Variants in CLSTN2 observed in about 807,000 individuals in gnomAD.
The protein encoded by CLSTN2 is calsyntenin 2.
In CLSTN2, 48 loss-of-function variants were observed where a neutral mutation model predicts 101.2. The ratio of observed to expected loss-of-function variants is 0.47; its 90% CI spans 0.38 to 0.60. The LOEUF (loss-of-function observed/expected upper bound fraction) is 0.60, where lower values mean the gene tolerates loss of function less well. CLSTN2 is among the 20% of genes least tolerant of loss of function. CLSTN2 has a pLI of 0.00. For synonymous variants in CLSTN2, 481 were observed against 463.6 expected, an observed-to-expected ratio of 1.04 and a Z score of -0.48; for missense variants, 1,160 against 1,238.2, an observed-to-expected ratio of 0.94 and a Z score of 0.95.
At chr3:140,183,337 A>G (rs574741026) in intron 2 of CLSTN2, among the ~76,000 whole-genome samples, 18 of 152,250 alleles carry the variant, frequency 1.2e-4, no homozygotes, top group African/African-American at 3.9e-4. Context: ...TGTGACTTCT[A>G]GTGCCCAAAC....
chr3:140,405,660 C>G (rs1016279305), intron 4 of CLSTN2, among the ~76,000 whole-genome samples: 2 of 152,166 alleles, frequency 1.3e-5, no homozygotes, highest in African/African-American at 4.8e-5. Context: ...TCCTATAAAG[C>G]CATTTGGACA....
intron 2 of CLSTN2, among the ~76,000 whole-genome samples, chr3:140,221,981 G>T (rs1434984833): frequency 6.6e-6 from 1 of 152,040 alleles, no homozygotes; most frequent in African/African-American, 2.4e-5. Flanking sequence ...ATTCCCCAAA[G>T]AAAGGAAATC....
chr3:139,943,288 C>A (rs183241884), intron 1 of CLSTN2, among the ~76,000 whole-genome samples: 1 of 152,208 alleles, frequency 6.6e-6, no homozygotes, highest in African/African-American at 2.4e-5. Flanking sequence ...CCCATTGCTT[C>A]TGCCTTGTTT....
intron 2 of CLSTN2, among the ~76,000 whole-genome samples, chr3:140,319,164 G>A (rs981097808): frequency 2.6e-5 from 4 of 152,158 alleles, no homozygotes; most frequent in African/African-American, 4.8e-5. Context: ...GAGTGTAAGA[G>A]TAATTCTAAC....
At chr3:139,944,530 C>A (rs1935186082) in intron 1 of CLSTN2, among the ~76,000 whole-genome samples, 1 of 152,216 alleles carries the variant, frequency 6.6e-6, no homozygotes, top group South Asian at 2.1e-4. Context: ...TTTCACCCAC[C>A]AGTCCTTTAT....
Position 140,427,238 on chromosome 3 carries a change from T to TAC in CLSTN2, c.787+5965_787+5966insCA, listed in dbSNP as rs1576561560. On this transcript the variant is annotated intron_variant, in intron 5 of 16. Transcript: ENST00000458420. ...ATATATATATATGTGTGTATATATATATATATACATATATATATACATAAA... is the reference window on the plus strand; with the variant it reads ...ATATATATATATGTGTGTATATATATACATATATACATATATATATACATAAA... Among the ~76,000 whole-genome samples the TAC allele has an allele frequency of 2.5e-3, 313 of 125,412 alleles. 1 individual carries two copies. The highest frequency in any genetic ancestry group is 3.8e-3 in the Middle Eastern group (1 of 260). The allele number at this position is 125,412 out of a possible 152,430, so 82.3% of individuals were successfully genotyped here.
At chr3:140,266,393 T>C (rs1249972014) in intron 2 of CLSTN2, among the ~76,000 whole-genome samples, 1 of 152,126 alleles carries the variant, frequency 6.6e-6, no homozygotes, top group Admixed American at 6.5e-5. Flanking sequence ...ATAGTAGTGG[T>C]TGTCTTGATG....
intron 2 of CLSTN2, among the ~76,000 whole-genome samples, chr3:140,264,411 TA>T (rs2086678310): frequency 1.4e-5 from 1 of 69,386 alleles, no homozygotes; most frequent in Admixed American, 1.3e-4. Flanking sequence ...TATATATATA[TA>T]TATATATATA....
At chr3:140,343,055 T>C (rs1222401171) in intron 2 of CLSTN2, among the ~76,000 whole-genome samples, 2 of 152,094 alleles carry the variant, frequency 1.3e-5, no homozygotes, top group African/African-American at 4.8e-5. Context: ...GAAGAGCACA[T>C]AGGCAGGGTA....
intron 1 of CLSTN2, among the ~76,000 whole-genome samples, chr3:140,028,082 G>A (rs2007459047): frequency 6.6e-6 from 1 of 152,224 alleles, no homozygotes; most frequent in African/African-American, 2.4e-5. Context: ...GGAAAAGGTA[G>A]TTGCTGTTGT....
chr3:140,452,243 A>G (rs1302117075), intron 6 of CLSTN2, among the ~76,000 whole-genome samples: 1 of 152,000 alleles, frequency 6.6e-6, no homozygotes, highest in Non-Finnish European at 1.5e-5. Context: ...CTGATCCATT[A>G]CTACAGCACA....
intron 2 of CLSTN2, among the ~76,000 whole-genome samples, chr3:140,287,895 G>A (rs56803358): frequency 1.3e-5 from 2 of 152,146 alleles, no homozygotes; most frequent in Admixed American, 1.3e-4. Flanking sequence ...GCATGCCCCA[G>A]TGCTCAGGAG....
chr3:139,961,107 G>A (rs1189633042), intron 1 of CLSTN2, among the ~76,000 whole-genome samples: 4 of 152,206 alleles, frequency 2.6e-5, no homozygotes, highest in African/African-American at 9.6e-5. Context: ...TGACTCCAGA[G>A]TACCAGTACT....
chr3:139,949,970 T>C (rs1377781609), intron 1 of CLSTN2, among the ~76,000 whole-genome samples: 1 of 152,248 alleles, frequency 6.6e-6, no homozygotes, highest in Non-Finnish European at 1.5e-5. Flanking sequence ...AGGAAGTTTT[T>C]AATTGGAAAA....
At chr3:140,020,711 A>G (rs2007296948) in intron 1 of CLSTN2, among the ~76,000 whole-genome samples, 1 of 152,214 alleles carries the variant, frequency 6.6e-6, no homozygotes, top group Non-Finnish European at 1.5e-5. Context: ...CCTCCAAGGC[A>G]GGACTCTGAC....
chr3:139,972,844 G>C (rs1464094197), intron 1 of CLSTN2, among the ~76,000 whole-genome samples: 1 of 152,180 alleles, frequency 6.6e-6, no homozygotes, highest in Non-Finnish European at 1.5e-5. Flanking sequence ...GCTCTCAGTA[G>C]TAGTATTACA....
chr3:140,096,576 A>G (rs1037470801), intron 1 of CLSTN2, among the ~76,000 whole-genome samples: 3 of 152,208 alleles, frequency 2.0e-5, no homozygotes, highest in African/African-American at 7.2e-5. Context: ...GGAGATAGTT[A>G]TGAAGAATTC....
intron 2 of CLSTN2, among the ~76,000 whole-genome samples, chr3:140,258,028 AT>A (rs2086618523): frequency 6.6e-6 from 1 of 151,162 alleles, no homozygotes; most frequent in South Asian, 2.1e-4. Context: ...ATTATGTATT[AT>A]TTTTTCTATC....
intron 2 of CLSTN2, among the ~76,000 whole-genome samples, chr3:140,300,853 C>T (rs1410803987): frequency 1.3e-5 from 2 of 152,080 alleles, no homozygotes; most frequent in African/African-American, 4.8e-5. Flanking sequence ...AACTGACTTA[C>T]ACAATTATGG....
Sources: allele counts gnomAD v4.1 joint callset (sites outside exome capture counted in the v4.1 genomes callset), GRCh38; gene constraint gnomAD v4.1.1; transcripts MANE v1.5; gene names NCBI Gene and HGNC (gene_info 2026-07-23, HGNC 2026-07-21).